RUNX1: variants seen among roughly 807,000 people sequenced by gnomAD.
RUNX1 encodes the protein RUNX family transcription factor 1, also known as runt-related transcription factor 1.
In RUNX1, 19 loss-of-function variants were observed where a neutral mutation model predicts 42.8. The observed-to-expected ratio is 0.44, with a 90% confidence interval of 0.31 to 0.65. RUNX1 has a LOEUF of 0.65. Ranked by LOEUF, RUNX1 falls within the 30% of genes least tolerant of loss-of-function variation. The pLI, the probability that RUNX1 is intolerant of heterozygous loss-of-function variation, is 0.07. For synonymous variants in RUNX1, 271 were observed against 289.4 expected, an observed-to-expected ratio of 0.94 and a Z score of 0.64; for missense variants, 528 against 672.0, an observed-to-expected ratio of 0.79 and a Z score of 2.37.
At chr21:34,921,048 G>A (rs904379851) in intron 2 of RUNX1, among the ~76,000 whole-genome samples, 11 of 151,994 alleles carry the variant, frequency 7.2e-5, no homozygotes, top group African/African-American at 1.5e-4. Flanking sequence ...TAGTAGAGTC[G>A]GGGTTTCACC....
chr21:34,953,710 A>G (rs1434335582), intron 2 of RUNX1, among the ~76,000 whole-genome samples: 1 of 152,232 alleles, frequency 6.6e-6, no homozygotes, highest in Non-Finnish European at 1.5e-5. Context: ...AAGCTGGAAA[A>G]GATATATTTA....
chr21:34,829,936 G>C (rs1601407190), intron 7 of RUNX1: 1 of 152,338 alleles, frequency 6.6e-6, no homozygotes, highest in African/African-American at 2.4e-5. Flanking sequence ...AGATGATAAA[G>C]AGAGAATCAG....
chr21:34,791,982 C>A lies in RUNX1; in HGVS notation c.*153G>T. ...CAGGAGGCTGCGCGGGCCTGACCTA[C>A]AGCGAGATCCTGGCCGTCGGGCGCC... On this transcript the variant is annotated 3_prime_UTR_variant, in exon 9 of 9. Coordinates refer to ENST00000675419, the MANE Select transcript of RUNX1 (RefSeq NM_001754.5). The A allele has an allele frequency of 2.2e-6, 1 of 464,264 alleles. No homozygotes were observed. The highest frequency in any genetic ancestry group is 2.3e-5 in the South Asian group (1 of 42,796). 28.8% of individuals were successfully genotyped at this position (464,264 alleles called of 1,614,324 possible).
intron 6 of RUNX1, among the ~76,000 whole-genome samples, chr21:34,848,676 C>T (rs896935619): frequency 1.7e-4 from 26 of 152,288 alleles, no homozygotes; most frequent in South Asian, 6.2e-4. Flanking sequence ...CTCAGGTAAT[C>T]GGCCCACCTC....
chr21:35,007,219 T>C (rs2059091589), intron 2 of RUNX1, among the ~76,000 whole-genome samples: 1 of 152,246 alleles, frequency 6.6e-6, no homozygotes, highest in Non-Finnish European at 1.5e-5. Context: ...TCTTTTCACT[T>C]ACTTGATTGT....
At chr21:34,947,371 A>C (rs1422018504) in intron 2 of RUNX1, among the ~76,000 whole-genome samples, 1 of 152,138 alleles carries the variant, frequency 6.6e-6, no homozygotes, top group East Asian at 1.9e-4. Context: ...CAAATTGATG[A>C]CTTTTTACAA....
chr21:34,988,154 C>T (rs2058906343), intron 2 of RUNX1, among the ~76,000 whole-genome samples: 1 of 152,202 alleles, frequency 6.6e-6, no homozygotes, highest in Non-Finnish European at 1.5e-5. Flanking sequence ...CTATTGCCTG[C>T]ACCACATCGG....
At chr21:34,961,002 A>C (rs1384544705) in intron 2 of RUNX1, among the ~76,000 whole-genome samples, 1 of 152,240 alleles carries the variant, frequency 6.6e-6, no homozygotes, top group East Asian at 1.9e-4. Flanking sequence ...GTAGCATAAG[A>C]AGCCGTAGGT....
chr21:35,008,476 C>T (rs1247080593), intron 2 of RUNX1, among the ~76,000 whole-genome samples: 5 of 152,212 alleles, frequency 3.3e-5, no homozygotes, highest in Non-Finnish European at 7.3e-5. Flanking sequence ...AGGATCGATG[C>T]TCAGGCTTGT....
chr21:34,917,392 C>T (rs1463408079), intron 2 of RUNX1, among the ~76,000 whole-genome samples: 1 of 152,150 alleles, frequency 6.6e-6, no homozygotes, highest in Non-Finnish European at 1.5e-5. Context: ...GCCTGGGTGA[C>T]TGGGATGATT....
chr21:35,048,984 C>A, intron 1 of RUNX1, 26 bp from the exon 2 acceptor site: 1 of 1,173,924 alleles, frequency 8.5e-7, no homozygotes, highest in South Asian at 1.2e-5. Flanking sequence ...CAAGACAGGT[C>A]ACTGTTTCAG....
At chr21:34,844,252 C>T (rs977124525) in intron 6 of RUNX1, among the ~76,000 whole-genome samples, 2 of 152,172 alleles carry the variant, frequency 1.3e-5, no homozygotes, top group Admixed American at 6.5e-5. Flanking sequence ...GAGATATGAG[C>T]ACTGACTCAC....
At chr21:34,948,215 A>G (rs1319994250) in intron 2 of RUNX1, among the ~76,000 whole-genome samples, 1 of 152,070 alleles carries the variant, frequency 6.6e-6, no homozygotes, top group Non-Finnish European at 1.5e-5. Context: ...AAACATCAAT[A>G]AGCCAAACAT....
chr21:34,874,436 C>A lies in RUNX1; in HGVS notation c.508+6121G>T, dbSNP rs4817697. 3.5e-3 allele frequency among the ~76,000 whole-genome samples: 529 copies of A among 151,184 alleles called. 2 individuals carry two copies. The highest frequency in any genetic ancestry group is 0.014 in the East Asian group (71 of 5,126). On this transcript the variant is annotated intron_variant, in intron 5 of 8. Coordinates refer to ENST00000675419, the MANE Select transcript of RUNX1 (RefSeq NM_001754.5). The stretch of plus-strand genomic sequence containing the variant: ...ACCAGCCCAGTCAACATGGTGAAAC[C>A]TCGTCTCTACTAAAAATACAAAATT...
At chr21:34,886,341 A>G (rs967298112) in intron 4 of RUNX1, among the ~76,000 whole-genome samples, 1 of 152,334 alleles carries the variant, frequency 6.6e-6, no homozygotes, top group African/African-American at 2.4e-5. Context: ...GGGCGGTTAG[A>G]GAAGGGGAAA....
chr21:34,849,324 T>A (rs75846062), intron 6 of RUNX1, among the ~76,000 whole-genome samples: 8 of 31,370 alleles, frequency 2.6e-4, no homozygotes, highest in East Asian at 2.8e-3. Context: ...ATATATATAT[T>A]ATATATACTA....
At chr21:34,995,840 G>C (rs1009934053) in intron 2 of RUNX1, among the ~76,000 whole-genome samples, 1 of 152,156 alleles carries the variant, frequency 6.6e-6, no homozygotes, top group Non-Finnish European at 1.5e-5. Flanking sequence ...AGGAACTAAT[G>C]CTGTCTTAAT....
intron 2 of RUNX1, among the ~76,000 whole-genome samples, chr21:34,896,690 G>A (rs1044793235): frequency 1.3e-5 from 2 of 151,796 alleles, no homozygotes; most frequent in Non-Finnish European, 2.9e-5. Flanking sequence ...CTCATAAAAA[G>A]AAAAGAAAAG....
intron 3 of RUNX1, chr21:34,888,495 A>T (rs1187959855): frequency 2.8e-6 from 3 of 1,065,954 alleles, no homozygotes; most frequent in East Asian, 9.9e-5. Context: ...AAAGGAAGAA[A>T]GGGGAAAAAC....
Sources: gnomAD v4.1 joint callset for allele counts (sites outside exome capture counted in the v4.1 genomes callset) on GRCh38, gnomAD v4.1.1 for gene constraint, MANE v1.5 for transcripts, NCBI Gene and HGNC (gene_info 2026-07-23, HGNC 2026-07-21) for gene names.